The following AP3B1 variants were observed in gnomAD, a reference collection of about 807,000 sequenced individuals.
The protein encoded by AP3B1 is AP-3 complex subunit beta-1.
A neutral mutation model predicts 132.5 loss-of-function variants in AP3B1; 61 were observed. That is an observed-to-expected ratio of 0.46 (90% CI 0.37 to 0.57). The LOEUF (loss-of-function observed/expected upper bound fraction) is 0.57, where lower values mean the gene tolerates loss of function less well. AP3B1 is among the 20% of genes least tolerant of loss of function. The probability of loss-of-function intolerance (pLI) is 0.00; values close to 1 mark genes in which losing one functional copy is unlikely to be tolerated. For synonymous variants in AP3B1, 388 were observed against 438.3 expected (o/e 0.89, Z 1.43); for missense variants, 1,120 against 1,289.4 (o/e 0.87, Z 2.01).
chr5:78,225,627 A>T lies in AP3B1; in HGVS notation c.537-19T>A. On this transcript the variant is annotated intron_variant, in intron 5 of 26. Coordinates refer to ENST00000255194, the MANE Select transcript of AP3B1 (RefSeq NM_003664.5). ...ATCAAGGCTAAAAAATACAAAAATAACATATTAATTTTTCCCTTTAATTCT... is the reference window on the plus strand; with the variant it reads ...ATCAAGGCTAAAAAATACAAAAATATCATATTAATTTTTCCCTTTAATTCT... The T allele has an allele frequency of 6.8e-7, 1 of 1,472,494 alleles. No homozygotes were observed. The highest frequency in any genetic ancestry group is 9.5e-7 in the Non-Finnish European group (1 of 1,056,494). 91.2% of individuals were successfully genotyped at this position (1,472,494 alleles called of 1,614,324 possible). A position where few individuals can be genotyped will look rare whatever the true frequency, so the allele number is the denominator to read the frequency against.
intron 6 of AP3B1, among the ~76,000 whole-genome samples, chr5:78,216,521 A>T (rs1343083104): frequency 6.6e-6 from 1 of 152,178 alleles, no homozygotes; most frequent in Non-Finnish European, 1.5e-5. Flanking sequence ...TCATATGTGG[A>T]TTAAACATTA....
At chr5:78,175,553 G>A in intron 11 of AP3B1, 73 bp downstream of exon 11, 3 of 1,166,196 alleles carry the variant, frequency 2.6e-6, no homozygotes, top group Non-Finnish European at 3.8e-6. Flanking sequence ...CATCCCACAG[G>A]TGCTAAAAGC....
chr5:78,162,947 T>G lies in AP3B1; in HGVS notation c.1235A>C (p.Tyr412Ser), dbSNP rs770900085. The change falls in exon 13 of 27, where the codon TAT becomes TCT. Residue 412 changes from tyrosine (Y) to serine (S), a missense_variant. Transcript: ENST00000255194. ...ISTLLREFQT[Y>S]VKSQDKQFAA... Reference sequence around the variant, plus strand: ...AAATTGTTTATCCTGGCTTTTCACATAGGTCTAAAAGATATTATTTCAATT... The same window carrying G: ...AAATTGTTTATCCTGGCTTTTCACAGAGGTCTAAAAGATATTATTTCAATT... 1.9e-6 allele frequency: 3 copies of G among 1,613,490 alleles called. No homozygotes were observed. The highest frequency in any genetic ancestry group is 2.5e-6 in the Non-Finnish European group (3 of 1,179,584).
intron 6 of AP3B1, chr5:78,222,574 T>C (rs1473980479): frequency 6.6e-6 from 1 of 152,190 alleles, no homozygotes; most frequent in Non-Finnish European, 1.5e-5. Context: ...CAAGAACTTG[T>C]TACATGTTAC....
intron 17 of AP3B1, among the ~76,000 whole-genome samples, chr5:78,122,561 C>T (rs1214777893): frequency 6.6e-6 from 1 of 152,138 alleles, no homozygotes; most frequent in African/African-American, 2.4e-5. Flanking sequence ...AACGGACAAA[C>T]AGAGAGCCAA....
At chr5:78,093,697 T>C (rs1464053950) in intron 21 of AP3B1, among the ~76,000 whole-genome samples, 2 of 152,246 alleles carry the variant, frequency 1.3e-5, no homozygotes, top group Non-Finnish European at 2.9e-5. Flanking sequence ...ATCTGCATCA[T>C]TGGCATCATC....
chr5:78,251,293 C>T (rs1343197023), intron 2 of AP3B1, among the ~76,000 whole-genome samples: 3 of 152,170 alleles, frequency 2.0e-5, no homozygotes. Context: ...GAAAGCTCCA[C>T]CAATCGTCCC....
At chr5:78,292,688 A>C (rs1749580865) in intron 1 of AP3B1, among the ~76,000 whole-genome samples, 1 of 152,200 alleles carries the variant, frequency 6.6e-6, no homozygotes, top group African/African-American at 2.4e-5. Context: ...ATACTCAATA[A>C]ATATCTTTCG....
At chr5:78,164,511 C>T (rs986354154) in intron 12 of AP3B1, among the ~76,000 whole-genome samples, 6 of 151,438 alleles carry the variant, frequency 4.0e-5, no homozygotes, top group Non-Finnish European at 7.4e-5. Context: ...GATAGGACAA[C>T]AGGAAAGGAA....
At chr5:78,249,427 A>G (rs1257045996) in intron 2 of AP3B1, among the ~76,000 whole-genome samples, 2 of 152,020 alleles carry the variant, frequency 1.3e-5, no homozygotes, top group Non-Finnish European at 2.9e-5. Flanking sequence ...TTCTACCATT[A>G]TTTCTTCAAA....
intron 20 of AP3B1, among the ~76,000 whole-genome samples, chr5:78,105,823 A>C (rs139347333): frequency 6.6e-6 from 1 of 152,214 alleles, no homozygotes; most frequent in African/African-American, 2.4e-5. Context: ...ACATATTCCA[A>C]TCAATAACAC....
intron 1 of AP3B1, among the ~76,000 whole-genome samples, chr5:78,270,910 T>G (rs2112567104): frequency 6.6e-6 from 1 of 152,302 alleles, no homozygotes; most frequent in South Asian, 2.1e-4. Context: ...TTCGCATTTG[T>G]GACACAGCAA....
At chr5:78,137,795 A>T (rs569086249) in intron 15 of AP3B1, among the ~76,000 whole-genome samples, 1 of 152,358 alleles carries the variant, frequency 6.6e-6, no homozygotes, top group South Asian at 2.1e-4. Context: ...AGTTTGAGGC[A>T]GATAAAGAAA....
intron 11 of AP3B1, among the ~76,000 whole-genome samples, chr5:78,167,263 G>A (rs1743675361): frequency 6.6e-6 from 1 of 152,016 alleles, no homozygotes; most frequent in Non-Finnish European, 1.5e-5. Flanking sequence ...ACTTATTAGG[G>A]AAATGCAAAT....
At chr5:78,159,817 TCTTGGTTTCCAAAGACCTCAGCA>T (rs1561447505) in intron 13 of AP3B1, among the ~76,000 whole-genome samples, 1 of 152,216 alleles carries the variant, frequency 6.6e-6, no homozygotes, top group Non-Finnish European at 1.5e-5. Flanking sequence ...TTATGGTACC[TCTTGGTTTCCAAAGACCTCAGCA>T]CTTTGGTGCT....
At chr5:78,037,448 T>G (rs1460604693) in intron 23 of AP3B1, among the ~76,000 whole-genome samples, 1 of 152,228 alleles carries the variant, frequency 6.6e-6, no homozygotes. Flanking sequence ...CAAAATATTT[T>G]TAAAAATTAA....
intron 7 of AP3B1, among the ~76,000 whole-genome samples, chr5:78,189,263 A>T (rs77570087): frequency 0.041 from 6,207 of 152,208 alleles, 194 homozygotes; most frequent in East Asian, 0.13. Flanking sequence ...AAAAATTTTT[A>T]AACTTATGTA....
intron 22 of AP3B1, among the ~76,000 whole-genome samples, chr5:78,063,983 T>G (rs530643306): frequency 6.6e-6 from 1 of 150,830 alleles, no homozygotes; most frequent in African/African-American, 2.4e-5. Context: ...ATAAGAAAAA[T>G]GGATTTAAGG....
chr5:78,016,035 G>A (rs932782175), intron 25 of AP3B1, among the ~76,000 whole-genome samples: 2 of 152,036 alleles, frequency 1.3e-5, no homozygotes, highest in Admixed American at 6.6e-5. Flanking sequence ...AATGGCCTCA[G>A]TATGACAGAT....
Sources: gnomAD v4.1 joint callset for allele counts (sites outside exome capture counted in the v4.1 genomes callset) on GRCh38, gnomAD v4.1.1 for gene constraint, MANE v1.5 for transcripts, NCBI Gene and HGNC (gene_info 2026-07-23, HGNC 2026-07-21) for gene names.